The following PTPRT variants were observed in gnomAD, a reference collection of about 807,000 sequenced individuals.
PTPRT encodes the protein protein tyrosine phosphatase receptor type T.
Under a neutral mutation model 176.8 loss-of-function variants are expected in PTPRT, and 56 were observed. That is an observed-to-expected ratio of 0.32 (90% confidence interval 0.26 to 0.40). PTPRT has a LOEUF of 0.40. Among genes scored for constraint, PTPRT ranks in the 10% least tolerant of loss-of-function variants. PTPRT has a pLI of 1.00. For missense variants in PTPRT, 1,540 were observed against 1,908.2 expected, an observed-to-expected ratio of 0.81 and a Z score of 3.60; for synonymous variants, 783 against 739.0, an observed-to-expected ratio of 1.06 and a Z score of -0.96.
At chr20:43,050,234 C>T (rs927076172) in intron 1 of PTPRT, among the ~76,000 whole-genome samples, 1 of 152,204 alleles carries the variant, frequency 6.6e-6, no homozygotes, top group Admixed American at 6.5e-5. Flanking sequence ...GAGACAAGAG[C>T]ATGGGCACTG....
intron 7 of PTPRT, among the ~76,000 whole-genome samples, chr20:42,495,856 C>T (rs957016624): frequency 1.3e-5 from 2 of 151,948 alleles, no homozygotes; most frequent in Admixed American, 1.3e-4. Context: ...TACAGTTGAC[C>T]CTTGTATATA....
intron 1 of PTPRT, among the ~76,000 whole-genome samples, chr20:42,977,866 C>A (rs1455385482): frequency 6.6e-6 from 1 of 152,220 alleles, no homozygotes; most frequent in Non-Finnish European, 1.5e-5. Context: ...ATGTGCATCT[C>A]TAATTGTTTC....
At chr20:43,017,394 C>T (rs1985424146) in intron 1 of PTPRT, among the ~76,000 whole-genome samples, 1 of 152,062 alleles carries the variant, frequency 6.6e-6, no homozygotes, top group African/African-American at 2.4e-5. Context: ...CTGCTTCCGC[C>T]CAATCGCATC....
At chr20:42,280,099 A>G (rs769808594) in intron 13 of PTPRT, among the ~76,000 whole-genome samples, 3 of 151,950 alleles carry the variant, frequency 2.0e-5, no homozygotes, top group Non-Finnish European at 4.4e-5. Context: ...AAGGCTGCCT[A>G]GAGGAAATTT....
intron 13 of PTPRT, among the ~76,000 whole-genome samples, chr20:42,278,185 G>C (rs2147038381): frequency 7.2e-6 from 1 of 138,784 alleles, no homozygotes; most frequent in South Asian, 2.4e-4. Context: ...TTTAGTGAGA[G>C]TGGAAAATTA....
chr20:42,805,142 A>C (rs536730155), intron 2 of PTPRT, among the ~76,000 whole-genome samples: 1 of 152,316 alleles, frequency 6.6e-6, no homozygotes, highest in South Asian at 2.1e-4. Flanking sequence ...CTTTTTAACT[A>C]TAAAACAATA....
chr20:42,778,233 A>T (rs1434169648), intron 4 of PTPRT, among the ~76,000 whole-genome samples: 1 of 152,182 alleles, frequency 6.6e-6, no homozygotes, highest in Non-Finnish European at 1.5e-5. Context: ...ATCAAAGAAA[A>T]AGGATGCATT....
At chr20:42,432,160 C>T (rs1302652673) in intron 9 of PTPRT, among the ~76,000 whole-genome samples, 1 of 152,180 alleles carries the variant, frequency 6.6e-6, no homozygotes, top group East Asian at 1.9e-4. Flanking sequence ...CCACCTTCCC[C>T]ATGTCTTCCT....
intron 2 of PTPRT, among the ~76,000 whole-genome samples, chr20:42,827,901 T>A (rs1443744644): frequency 1.3e-5 from 2 of 152,216 alleles, no homozygotes; most frequent in Non-Finnish European, 2.9e-5. Context: ...CAACTAAACA[T>A]CTTTGCTTTA....
intron 19 of PTPRT, among the ~76,000 whole-genome samples, chr20:42,123,936 G>A (rs1292224478): frequency 1.3e-5 from 2 of 152,192 alleles, no homozygotes; most frequent in Non-Finnish European, 2.9e-5. Context: ...GGAGCTCCAT[G>A]AAGCCAGGGC....
Position 42,271,426 on chromosome 20 carries a change from C to G in PTPRT, c.2176+11063G>C, listed in dbSNP as rs527704997. On this transcript the variant is annotated intron_variant, in intron 13 of 30. Transcript: ENST00000373187. ...GGGACAGATGCCCCTTCTTGTCTTC[C>G]CATAACACCCTCATCTTCCCTTCTT... Among the ~76,000 whole-genome samples, 49 of 152,246 alleles carry G rather than the reference C, an allele frequency of 3.2e-4. 1 individual carries two copies. The South Asian group carries it at 7.5e-3, about 23-fold the overall frequency.
intron 1 of PTPRT, among the ~76,000 whole-genome samples, chr20:43,014,531 T>G (rs913498259): frequency 6.6e-6 from 1 of 152,166 alleles, no homozygotes; most frequent in African/African-American, 2.4e-5. Flanking sequence ...TATATCCACA[T>G]GACCAGACGA....
At chr20:42,799,985 C>T (rs888337584) in intron 2 of PTPRT, among the ~76,000 whole-genome samples, 23 of 152,112 alleles carry the variant, frequency 1.5e-4, no homozygotes, top group African/African-American at 4.8e-4. Context: ...GGTCTTGTTC[C>T]CAAAGAAATG....
intron 14 of PTPRT, among the ~76,000 whole-genome samples, chr20:42,245,434 A>G (rs746366933): frequency 6.6e-6 from 1 of 152,098 alleles, no homozygotes; most frequent in Non-Finnish European, 1.5e-5. Context: ...ATCACCCACC[A>G]ACATCTCATA....
chr20:43,126,978 C>T (rs1429731786), intron 1 of PTPRT, among the ~76,000 whole-genome samples: 4 of 152,106 alleles, frequency 2.6e-5, no homozygotes, highest in Admixed American at 1.3e-4. Context: ...AATAGACTTA[C>T]GATTATTATT....
At chr20:42,273,620 A>G (rs990511145) in intron 13 of PTPRT, among the ~76,000 whole-genome samples, 4 of 152,248 alleles carry the variant, frequency 2.6e-5, no homozygotes, top group African/African-American at 4.8e-5. Context: ...TCTAAAGATG[A>G]TGTTTTTAAC....
At chr20:42,645,321 C>T (rs907752010) in intron 7 of PTPRT, among the ~76,000 whole-genome samples, 1 of 152,134 alleles carries the variant, frequency 6.6e-6, no homozygotes, top group Admixed American at 6.5e-5. Context: ...CCATGAGCGA[C>T]CCTCATCCAA....
chr20:42,730,539 A>T (rs1477299609), intron 6 of PTPRT, among the ~76,000 whole-genome samples: 1 of 152,228 alleles, frequency 6.6e-6, no homozygotes. Flanking sequence ...GGAACAGAGC[A>T]GTTCAGGGTG....
At chr20:43,050,921 C>T (rs1053957741) in intron 1 of PTPRT, among the ~76,000 whole-genome samples, 3 of 152,152 alleles carry the variant, frequency 2.0e-5, no homozygotes, top group African/African-American at 7.2e-5. Flanking sequence ...GAGAAAGTGA[C>T]CCAACCTCCC....
Sources: gnomAD v4.1 joint callset for allele counts (sites outside exome capture counted in the v4.1 genomes callset) on GRCh38, gnomAD v4.1.1 for gene constraint, MANE v1.5 for transcripts, NCBI Gene and HGNC (gene_info 2026-07-23, HGNC 2026-07-21) for gene names.